Variants in DARS1 observed in about 807,000 individuals in gnomAD.
The protein encoded by DARS1 is aspartate--tRNA ligase, cytoplasmic.
A neutral mutation model predicts 68.8 loss-of-function variants in DARS1; 51 were observed. That is an observed-to-expected ratio of 0.74 (90% CI 0.59 to 0.94). DARS1 has a LOEUF of 0.94. Among genes scored for constraint, DARS1 ranks in the 40% least tolerant of loss-of-function variants. DARS1 has a pLI of 0.00. For synonymous variants in DARS1, 203 were observed against 190.4 expected, an observed-to-expected ratio of 1.07 and a Z score of -0.55; for missense variants, 607 against 597.3, an observed-to-expected ratio of 1.02 and a Z score of -0.17.
chr2:135,926,396 T>G (rs1681212194), intron 7 of DARS1, among the ~76,000 whole-genome samples: 1 of 152,174 alleles, frequency 6.6e-6, no homozygotes, highest in Non-Finnish European at 1.5e-5. Flanking sequence ...TTTTTTCTCA[T>G]TAGTTTCTTC....
In DARS1 at chr2:135,985,398, C is replaced by A; in HGVS notation, c.66+5G>T. 9.9e-6 allele frequency: 16 copies of A among 1,613,616 alleles called. No individual in the cohort carries two copies. Among genetic ancestry groups the A allele is most frequent in the Non-Finnish European group, 1.4e-5 (16 of 1,179,866 alleles). ...CTCCCAGGCCCAGGAAAGGAGGAAA[C>A]CCACTTCCGCCGCGTCCATGATCTC... On this transcript the variant is annotated splice_donor_5th_base_variant and intron_variant, in intron 1 of 15. Transcript: ENST00000264161.
chr2:135,973,499 C>T (rs1037704493), intron 3 of DARS1, among the ~76,000 whole-genome samples: 2 of 151,638 alleles, frequency 1.3e-5, no homozygotes, highest in African/African-American at 2.4e-5. Context: ...TGAGTAAGAC[C>T]TAGTATTTGA....
At chr2:135,955,255 A>G (rs1681946456) in intron 4 of DARS1, among the ~76,000 whole-genome samples, 1 of 152,154 alleles carries the variant, frequency 6.6e-6, no homozygotes, top group Admixed American at 6.5e-5. Flanking sequence ...AATTTTTAAC[A>G]CAGAAACTTG....
At chr2:135,917,560 C>G (rs1044100491) in intron 10 of DARS1, among the ~76,000 whole-genome samples, 2 of 152,042 alleles carry the variant, frequency 1.3e-5, no homozygotes, top group African/African-American at 4.8e-5. Flanking sequence ...ACCACAACCT[C>G]GGCCTTCTGG....
intron 3 of DARS1, among the ~76,000 whole-genome samples, chr2:135,972,818 A>C (rs932634627): frequency 2.6e-5 from 4 of 152,242 alleles, no homozygotes; most frequent in Non-Finnish European, 5.9e-5. Flanking sequence ...AAGGCATATG[A>C]AAAAGTGCTC....
chr2:135,907,472 A>G (rs1377687926), intron 15 of DARS1, 65 bp from the exon 16 acceptor site: 1 of 1,040,204 alleles, frequency 9.6e-7, no homozygotes, highest in Non-Finnish European at 1.5e-6. Flanking sequence ...ACTTAGAACT[A>G]CAAACATAAA....
intron 4 of DARS1, among the ~76,000 whole-genome samples, chr2:135,953,290 T>A (rs1681885099): frequency 6.6e-6 from 1 of 152,232 alleles, no homozygotes; most frequent in African/African-American, 2.4e-5. Context: ...CGCCTGCAAT[T>A]AGATGTGTTA....
chr2:135,911,236 T>A lies in DARS1; in HGVS notation c.1343-26A>T, dbSNP rs750963638. ...CTGCAAAAAGACACAAAACAAAATA[T>A]AATTTATCATCTTATTTATCTTAAA... On this transcript the variant is annotated intron_variant, in intron 14 of 15. Coordinates refer to ENST00000264161, the MANE Select transcript of DARS1 (RefSeq NM_001349.4). The A allele has an allele frequency of 2.6e-6, 3 of 1,174,536 alleles. No individual in the cohort carries two copies. The African/African-American group carries it at 4.5e-5, about 18-fold the overall frequency. 72.8% of individuals were successfully genotyped at this position (1,174,536 alleles called of 1,614,324 possible).
chr2:135,963,845 A>T (rs1279698827), intron 3 of DARS1, among the ~76,000 whole-genome samples: 1 of 149,684 alleles, frequency 6.7e-6, no homozygotes, highest in African/African-American at 2.5e-5. Flanking sequence ...ACACCTGGCT[A>T]ATTTTTGTAT....
At chr2:135,952,695 C>T (rs1681866840) in intron 4 of DARS1, among the ~76,000 whole-genome samples, 1 of 152,156 alleles carries the variant, frequency 6.6e-6, no homozygotes, top group South Asian at 2.1e-4. Context: ...TATGTTGCCA[C>T]AAATGACAAG....
intron 3 of DARS1, among the ~76,000 whole-genome samples, chr2:135,967,900 T>C (rs1417908143): frequency 4.6e-5 from 7 of 152,112 alleles, no homozygotes; most frequent in African/African-American, 1.4e-4. Flanking sequence ...GTACATAAGA[T>C]ATAGGAAGAA....
In DARS1 at chr2:135,911,127, A is replaced by G. The variant is rs557510868; in HGVS notation, c.1414+12T>C. The G allele has an allele frequency of 2.5e-6, 3 of 1,186,646 alleles. No individual in the cohort carries two copies. Among genetic ancestry groups the G allele is most frequent in the Non-Finnish European group, 3.8e-6 (3 of 793,594 alleles). 73.5% of individuals were successfully genotyped at this position (1,186,646 alleles called of 1,614,324 possible). A position where few individuals can be genotyped will look rare whatever the true frequency, so the allele number is the denominator to read the frequency against. On this transcript the variant is annotated intron_variant, in intron 15 of 15. Coordinates refer to ENST00000264161, the MANE Select transcript of DARS1 (RefSeq NM_001349.4). Reference sequence around the variant, plus strand: ...CTTATGAACTTATTTGTAAGCAATAACAGAATATTACCAATGCCTCCACCA... The same window carrying G: ...CTTATGAACTTATTTGTAAGCAATAGCAGAATATTACCAATGCCTCCACCA...
intron 4 of DARS1, among the ~76,000 whole-genome samples, chr2:135,950,199 T>A (rs1681811753): frequency 6.6e-6 from 1 of 152,192 alleles, no homozygotes; most frequent in Non-Finnish European, 1.5e-5. Flanking sequence ...ATGTCCAGTC[T>A]CTTTGGGCAG....
At chr2:135,962,964 G>A (rs995593581) in intron 3 of DARS1, among the ~76,000 whole-genome samples, 3 of 152,226 alleles carry the variant, frequency 2.0e-5, no homozygotes, top group Non-Finnish European at 4.4e-5. Context: ...TAGTCAGAGT[G>A]TATTAGCTAC....
chr2:135,960,209 G>C (rs1222027410), intron 4 of DARS1, among the ~76,000 whole-genome samples: 2 of 152,168 alleles, frequency 1.3e-5, no homozygotes, highest in African/African-American at 2.4e-5. Flanking sequence ...CTGGGAGATA[G>C]GGAGAGGTGG....
intron 10 of DARS1, among the ~76,000 whole-genome samples, chr2:135,917,342 C>T (rs149554451): frequency 8.6e-4 from 131 of 152,238 alleles, no homozygotes; most frequent in African/African-American, 3.0e-3. Flanking sequence ...GACTATTGCA[C>T]ATCCTTTTGT....
chr2:135,940,440 C>A (rs993128063), intron 5 of DARS1, among the ~76,000 whole-genome samples: 1 of 152,122 alleles, frequency 6.6e-6, no homozygotes, highest in African/African-American at 2.4e-5. Context: ...GCAGAGAAGG[C>A]CTTTGACAAA....
intron 4 of DARS1, among the ~76,000 whole-genome samples, chr2:135,959,578 G>A (rs1388594758): frequency 6.6e-6 from 1 of 152,046 alleles, no homozygotes; most frequent in Non-Finnish European, 1.5e-5. Flanking sequence ...TTAAGCTATG[G>A]TTGACATCTG....
At chr2:135,911,348 T>C (rs372380744) in intron 14 of DARS1, 34 bp downstream of exon 14, 2 of 862,762 alleles carry the variant, frequency 2.3e-6, no homozygotes, top group Non-Finnish European at 4.0e-6. Context: ...ATTTTCAGAA[T>C]ATACACTCCC....
Sources: allele counts gnomAD v4.1 joint callset (sites outside exome capture counted in the v4.1 genomes callset), GRCh38; gene constraint gnomAD v4.1.1; transcripts MANE v1.5; gene names NCBI Gene and HGNC (gene_info 2026-07-23, HGNC 2026-07-21).